Variants in ANKMY1 observed in about 807,000 individuals in gnomAD.
ANKMY1 encodes ankyrin repeat and MYND domain containing 1.
A neutral mutation model predicts 102.0 loss-of-function variants in ANKMY1; 98 were observed. The observed-to-expected ratio is 0.96, with a 90% CI of 0.82 to 1.14. ANKMY1 has a LOEUF of 1.14. Among genes scored for constraint, ANKMY1 ranks in the 50% most tolerant of loss-of-function variants. ANKMY1 has a pLI of 0.00. For synonymous variants in ANKMY1, 582 were observed against 559.9 expected (o/e 1.04, Z -0.56); for missense variants, 1,330 against 1,347.6 (o/e 0.99, Z 0.20).
chr2:240,549,560 C>G (rs564797309), intron 4 of ANKMY1, among the ~76,000 whole-genome samples: 1 of 152,100 alleles, frequency 6.6e-6, no homozygotes, highest in Non-Finnish European at 1.5e-5. Flanking sequence ...AAGAAACTAC[C>G]ATCAGAGTAA....
At chr2:240,479,935 C>T (rs761323648) in intron 17 of ANKMY1, among the ~76,000 whole-genome samples, 46 of 152,212 alleles carry the variant, frequency 3.0e-4, no homozygotes, top group Non-Finnish European at 3.4e-4. Context: ...CCATTGGCTG[C>T]GCGCGGTGGC....
intron 4 of ANKMY1, among the ~76,000 whole-genome samples, chr2:240,544,604 A>G (rs1281124598): frequency 6.6e-6 from 1 of 152,240 alleles, no homozygotes; most frequent in Non-Finnish European, 1.5e-5. Context: ...TACCGGGTTC[A>G]TCTCACTAGG....
chr2:240,489,904 G>T (rs1480530517), intron 15 of ANKMY1, among the ~76,000 whole-genome samples: 2 of 152,142 alleles, frequency 1.3e-5, no homozygotes, highest in African/African-American at 4.8e-5. Flanking sequence ...GCTTTTCCTT[G>T]TTGAGAGACT....
chr2:240,509,883 T>A (rs568637050), intron 11 of ANKMY1, among the ~76,000 whole-genome samples: 20 of 151,852 alleles, frequency 1.3e-4, no homozygotes, highest in Non-Finnish European at 2.8e-4. Flanking sequence ...AGCCCCACCC[T>A]CGGCTGGTGG....
At chr2:240,554,041 T>C (rs1414072465) in intron 3 of ANKMY1, 4 of 152,252 alleles carry the variant, frequency 2.6e-5, no homozygotes, top group Admixed American at 6.5e-5. Flanking sequence ...CACCCAGACC[T>C]GACCCCGACG....
At chr2:240,538,444 C>T (rs1258351953) in intron 4 of ANKMY1, among the ~76,000 whole-genome samples, 3 of 152,152 alleles carry the variant, frequency 2.0e-5, no homozygotes, top group African/African-American at 4.8e-5. Flanking sequence ...GCGGAGGGTG[C>T]GCCAGGTCCC....
At chr2:240,549,185 G>C (rs1443538338) in intron 4 of ANKMY1, among the ~76,000 whole-genome samples, 2 of 151,542 alleles carry the variant, frequency 1.3e-5, no homozygotes, top group Non-Finnish European at 2.9e-5. Flanking sequence ...CAATGGAACA[G>C]AACAGAGCCC....
chr2:240,548,920 G>A (rs992354194), intron 4 of ANKMY1, among the ~76,000 whole-genome samples: 34 of 152,264 alleles, frequency 2.2e-4, no homozygotes, highest in African/African-American at 6.7e-4. Context: ...AATCAATATC[G>A]TGAAAATGGC....
Position 240,525,670 on chromosome 2 carries a change from C to T in ANKMY1, c.1335+15G>A, listed in dbSNP as rs1389482129. 1.9e-6 allele frequency: 3 copies of T among 1,612,584 alleles called. No homozygotes were observed. In the South Asian group the frequency reaches 3.3e-5, roughly 18 times the overall value. On this transcript the variant is annotated intron_variant, in intron 7 of 17. Coordinates refer to ENST00000401804, the MANE Select transcript of ANKMY1 (RefSeq NM_001282771.3). ...AGGAGACAGTTGGTGGTGCAGTGGC[C>T]ACCGGGGGGCTTACCTGGGGCTCAG...
At chr2:240,502,921 C>T (rs2078455184) in intron 13 of ANKMY1, among the ~76,000 whole-genome samples, 1 of 152,124 alleles carries the variant, frequency 6.6e-6, no homozygotes, top group Non-Finnish European at 1.5e-5. Context: ...GACCCCGTTC[C>T]CCTGCTGAGG....
rs1011345147 is a variant in ANKMY1, at chr2:240,506,629, C to T, written c.2526+931G>A. Among the ~76,000 whole-genome samples, 1 of 151,660 alleles carries T rather than the reference C, an allele frequency of 6.6e-6. No homozygotes were observed. The highest frequency in any genetic ancestry group is 1.9e-4 in the East Asian group (1 of 5,166). ...CTTCCAAATGCCTGGGTCTCGCCCC[C>T]CATTCCAGACGCCTGAGTCTCACCC... On this transcript the variant is annotated intron_variant, in intron 13 of 17. Transcript: ENST00000401804. The surrounding 1 kb of genome is among the most constrained non-coding windows in gnomAD (Gnocchi z 4.9).
At chr2:240,537,554 G>A (rs927302695) in intron 4 of ANKMY1, among the ~76,000 whole-genome samples, 7 of 152,140 alleles carry the variant, frequency 4.6e-5, no homozygotes, top group African/African-American at 1.2e-4. Flanking sequence ...TTTTGCCTCA[G>A]TCTCTTCCTT....
chr2:240,526,724 T>A lies in ANKMY1; in HGVS notation c.954-279A>T, dbSNP rs139535706. On this transcript the variant is annotated intron_variant, in intron 5 of 17. Transcript: ENST00000401804. The stretch of plus-strand genomic sequence containing the variant: ...TGCTGGCTGCGAGTACATCCATGCA[T>A]CTCTGATTCATCTGGGTGTTTGCTA... 673 of 1,356,512 alleles carry A rather than the reference T, an allele frequency of 5.0e-4. 2 individuals carry two copies. The highest frequency in any genetic ancestry group is 4.2e-3 in the Middle Eastern group (15 of 3,538). The allele number at this position is 1,356,512 out of a possible 1,614,324, so 84.0% of individuals were successfully genotyped here.
Position 240,528,299 on chromosome 2 carries a change from C to G in ANKMY1, c.953+738G>C, listed in dbSNP as rs546237538. On this transcript the variant is annotated intron_variant, in intron 5 of 17. Transcript: ENST00000401804. The stretch of plus-strand genomic sequence containing the variant: ...AGACTCTGTGCCTGCCCCCACCCCC[C>G]CCCCAAAAAAATTAAACACTTCTCC... 8.0e-5 allele frequency among the ~76,000 whole-genome samples: 11 copies of G among 137,326 alleles called. No homozygotes were observed. In the East Asian group the frequency reaches 1.3e-3, roughly 16 times the overall value. 90.1% of individuals were successfully genotyped at this position (137,326 alleles called of 152,430 possible).
At chr2:240,496,979 T>C (rs1161752741) in intron 15 of ANKMY1, among the ~76,000 whole-genome samples, 1 of 152,250 alleles carries the variant, frequency 6.6e-6, no homozygotes, top group East Asian at 1.9e-4. Flanking sequence ...TGGCAGATTA[T>C]AGTTTCACCT....
intron 4 of ANKMY1, among the ~76,000 whole-genome samples, chr2:240,546,189 G>C (rs1187110700): frequency 2.0e-5 from 3 of 152,182 alleles, no homozygotes; most frequent in Non-Finnish European, 4.4e-5. Context: ...AGCCAGAAGA[G>C]AGTGGGGGCC....
At chr2:240,540,230 G>A (rs951310570) in intron 4 of ANKMY1, among the ~76,000 whole-genome samples, 1 of 152,192 alleles carries the variant, frequency 6.6e-6, no homozygotes, top group Admixed American at 6.5e-5. Flanking sequence ...TGTTTTCCAT[G>A]TATTGATTTA....
chr2:240,507,032 T>TG (rs2079192682), intron 13 of ANKMY1, among the ~76,000 whole-genome samples: 1 of 152,076 alleles, frequency 6.6e-6, no homozygotes, highest in Admixed American at 6.5e-5. Context: ...ATTGTGCAGC[T>TG]GGACCAAGGT....
At chr2:240,472,770 G>C in the ANKMY1 span, among the ~76,000 whole-genome samples, 6 of 152,186 alleles carry the variant, frequency 3.9e-5, no homozygotes, top group Non-Finnish European at 4.4e-5. Context: ...TGAAAGAGGT[G>C]TTTGCTGCTT....
Sources: gnomAD v4.1 joint callset for allele counts (sites outside exome capture counted in the v4.1 genomes callset) on GRCh38, gnomAD v4.1.1 for gene constraint, Gnocchi (gnomAD v3.1) non-coding constraint, MANE v1.5 for transcripts, NCBI Gene and HGNC (gene_info 2026-07-23, HGNC 2026-07-21) for gene names.